CDKN3: variants seen among roughly 807,000 people sequenced by gnomAD.
The protein encoded by CDKN3 is cyclin-dependent kinase inhibitor 3.
Under a neutral mutation model 36.1 loss-of-function variants are expected in CDKN3, and 19 were observed. The observed-to-expected ratio is 0.53, with a 90% CI of 0.37 to 0.77. The LOEUF (loss-of-function observed/expected upper bound fraction) is 0.77. CDKN3 is among the 30% of genes least tolerant of loss of function. CDKN3 has a pLI of 0.00. For synonymous variants in CDKN3, 71 were observed against 85.3 expected, an observed-to-expected ratio of 0.83 and a Z score of 0.92; for missense variants, 188 against 248.6, an observed-to-expected ratio of 0.76 and a Z score of 1.64.
chr14:54,417,069 A>G (rs7140694), intron 6 of CDKN3, among the ~76,000 whole-genome samples: 11 of 152,304 alleles, frequency 7.2e-5, no homozygotes, highest in Non-Finnish European at 1.3e-4. Context: ...ACCCTCATAC[A>G]CTGTTGGTGG....
intron 3 of CDKN3, among the ~76,000 whole-genome samples, chr14:54,402,909 A>G (rs1242123981): frequency 6.6e-6 from 1 of 152,148 alleles, no homozygotes; most frequent in Non-Finnish European, 1.5e-5. Context: ...ATTGGTCTAT[A>G]TATCTGTTTT....
intron 3 of CDKN3, 58 bp from the exon 4 acceptor site, chr14:54,408,687 A>G: frequency 2.0e-6 from 3 of 1,525,640 alleles, no homozygotes; most frequent in Admixed American, 2.2e-5. Flanking sequence ...GTGTTTAAAC[A>G]TACCTGTTAC....
intron 3 of CDKN3, among the ~76,000 whole-genome samples, chr14:54,401,828 C>A (rs2029957038): frequency 6.6e-6 from 1 of 152,076 alleles, no homozygotes; most frequent in Admixed American, 6.6e-5. Flanking sequence ...CATTCTTATG[C>A]CTTTGTGTCC....
intron 4 of CDKN3, among the ~76,000 whole-genome samples, chr14:54,410,932 A>T (rs1238319036): frequency 6.6e-6 from 1 of 152,152 alleles, no homozygotes; most frequent in East Asian, 1.9e-4. Flanking sequence ...TAATCCCAGC[A>T]CTTTGGGAGG....
Position 54,405,667 on chromosome 14 carries a change from C to A in CDKN3, c.149-3078C>A, listed in dbSNP as rs4625649. ...TCAGAAACTAGGACTGCAACCCTTG[C>A]TTTTTTTTGCATTCCATTTGTTTGG... On this transcript the variant is annotated intron_variant, in intron 3 of 7. Transcript: ENST00000335183. Among the ~76,000 whole-genome samples, 1,026 of 151,962 alleles carry A rather than the reference C, an allele frequency of 6.8e-3. 10 individuals are homozygous for A. The highest frequency in any genetic ancestry group is 0.024 in the African/African-American group (985 of 41,460).
chr14:54,404,643 C>A (rs528414387), intron 3 of CDKN3, among the ~76,000 whole-genome samples: 2 of 151,972 alleles, frequency 1.3e-5, no homozygotes, highest in Non-Finnish European at 1.5e-5. Context: ...GGCACAATCT[C>A]GGCTCACTGC....
intron 1 of CDKN3, among the ~76,000 whole-genome samples, chr14:54,398,757 C>A (rs1409373754): frequency 2.0e-5 from 3 of 152,130 alleles, no homozygotes; most frequent in African/African-American, 7.2e-5. Context: ...CTGCTTAGAT[C>A]AGCATACGAA....
intron 5 of CDKN3, chr14:54,413,544 C>G (rs1423855045): frequency 8.5e-7 from 1 of 1,183,058 alleles, no homozygotes; most frequent in Non-Finnish European, 1.2e-6. Flanking sequence ...TTTGCATATG[C>G]TGAATGTTTC....
At chr14:54,408,886 A>G in intron 4 of CDKN3, 97 bp downstream of exon 4, 2 of 1,431,510 alleles carry the variant, frequency 1.4e-6, no homozygotes, top group Middle Eastern at 2.5e-4. Flanking sequence ...TTTTTTTAAT[A>G]TAAAAATAAG....
intron 3 of CDKN3, 32 bp downstream of exon 3, chr14:54,401,611 T>C (rs1242541051): frequency 7.1e-7 from 1 of 1,402,164 alleles, no homozygotes; most frequent in African/African-American, 1.4e-5. Flanking sequence ...TTCCTATCAA[T>C]ATGTATATAT....
At chr14:54,415,066 G>T (rs996692065) in intron 5 of CDKN3, among the ~76,000 whole-genome samples, 1 of 151,002 alleles carries the variant, frequency 6.6e-6, no homozygotes, top group African/African-American at 2.5e-5. Context: ...ACTAAATTAG[G>T]CTCAGTATAC....
chr14:54,418,329 G>C, intron 7 of CDKN3: 1 of 682,626 alleles, frequency 1.5e-6, no homozygotes, highest in Admixed American at 2.2e-5. Context: ...GTAGATTCTT[G>C]GCCAAAAAAA....
intron 4 of CDKN3, 181 bp from the exon 5 acceptor site, chr14:54,411,303 A>G: frequency 1.8e-6 from 1 of 543,898 alleles, no homozygotes; most frequent in Non-Finnish European, 3.2e-6. Flanking sequence ...GACTTGTAAT[A>G]TGAGGTTTAA....
At chr14:54,413,537 G>A (rs961523710) in intron 5 of CDKN3, 2 of 1,109,204 alleles carry the variant, frequency 1.8e-6, no homozygotes. Context: ...GGGTGACTTT[G>A]CATATGCTGA....
In CDKN3 at chr14:54,399,907, A is replaced by G. The variant is rs145920748; in HGVS notation, c.23A>G (p.Gln8Arg). Residue 8 changes from glutamine to arginine, a missense_variant, in exon 2 of 8, where the codon CAA becomes CGA. Coordinates refer to ENST00000335183, the MANE Select transcript of CDKN3 (RefSeq NM_005192.4). ...TTTCTTTTGAAGCCCAGTTCAATAC[A>G]AACAAGTGAGTTTGACTCATCAGAT... MKPPSSIQTSEFDSSDEE... is the reference protein window; with the variant it reads MKPPSSIRTSEFDSSDEE... 451 of 1,571,248 alleles carry G rather than the reference A, an allele frequency of 2.9e-4. 1 individual carries two copies. Among genetic ancestry groups the G allele is most frequent in the Non-Finnish European group, 3.7e-4 (425 of 1,141,430 alleles).
At chr14:54,419,544 C>T (rs529410291) in intron 7 of CDKN3, among the ~76,000 whole-genome samples, 1 of 152,270 alleles carries the variant, frequency 6.6e-6, no homozygotes, top group South Asian at 2.1e-4. Context: ...ATCCCTAGTG[C>T]ATTATGTCAT....
chr14:54,400,181 C>CTTT (rs56022133), intron 2 of CDKN3, among the ~76,000 whole-genome samples: 51 of 137,300 alleles, frequency 3.7e-4, no homozygotes, highest in South Asian at 3.0e-3. Context: ...GAATAAGACC[C>CTTT]TTTTTTTTTT....
Position 54,408,759 on chromosome 14 carries a change from G to C in CDKN3, c.163G>C (p.Asp55His). 1 of 1,574,446 alleles carries C rather than the reference G, an allele frequency of 6.4e-7. No individual in the cohort carries two copies. The highest frequency in any genetic ancestry group is 8.6e-7 in the Non-Finnish European group (1 of 1,166,140). Residue 55 changes from aspartate to histidine, a missense_variant, in exon 4 of 8, where the codon GAT becomes CAT. Coordinates refer to ENST00000335183, the MANE Select transcript of CDKN3 (RefSeq NM_005192.4). ...ATTACTTATAGGTTGTAAATTTAAA[G>C]ATGTTAGAAGAAATGTCCAAAAAGA... is the stretch of plus-strand genomic sequence containing the variant. ...LCALPGCKFK[D>H]VRRNVQKDTE... is the part of the protein sequence containing the mutation.
chr14:54,404,814 GATCC>G (rs112136245), intron 3 of CDKN3, among the ~76,000 whole-genome samples: 43,208 of 151,854 alleles, frequency 0.28, 6,998 homozygotes, highest in African/African-American at 0.44. Flanking sequence ...CTGACCTCAT[GATCC>G]ATCCACCCGC....
Sources: allele counts gnomAD v4.1 joint callset (sites outside exome capture counted in the v4.1 genomes callset), GRCh38; gene constraint gnomAD v4.1.1; transcripts MANE v1.5; gene names NCBI Gene and HGNC (gene_info 2026-07-23, HGNC 2026-07-21).